The following GPN1 variants were observed in gnomAD, a reference collection of about 807,000 sequenced individuals.
GPN1 encodes GPN-loop GTPase 1.
GPN1 carries 44 observed loss-of-function variants against 55.9 expected under a neutral mutation model. The ratio of observed to expected loss-of-function variants is 0.79; its 90% CI spans 0.62 to 1.01. GPN1 has a LOEUF of 1.01. GPN1 is among the 50% of genes least tolerant of loss of function. GPN1 has a pLI of 0.00. For missense variants in GPN1, 466 were observed against 462.8 expected (o/e 1.01, Z -0.06); for synonymous variants, 179 against 162.5 (o/e 1.10, Z -0.77).
At position 27,629,936 on chromosome 2, in the gene GPN1, CT is replaced by C; in HGVS notation, c.192del (p.Pro65LeufsTer10). The C allele has an allele frequency of 6.3e-7, 1 of 1,589,152 alleles. No homozygotes were observed. Among genetic ancestry groups the C allele is most frequent in the Non-Finnish European group, 8.6e-7 (1 of 1,157,182 alleles). ...NLDPAVHEVP[F>X]PANIDIRDTV... is the part of the protein sequence containing the mutation. ...TGGATCCAGCAGTACATGAAGTTCCCTTTCCTGCCAATATTGGTGAGTAAAC... is the reference window on the plus strand; with the variant it reads ...TGGATCCAGCAGTACATGAAGTTCCCTTCCTGCCAATATTGGTGAGTAAAC... On this transcript the variant is annotated frameshift_variant, in exon 2 of 14. Transcript: ENST00000610189. LOFTEE classifies it high-confidence loss of function.
chr2:27,629,767 G>T, intron 1 of GPN1, 92 bp from the exon 2 acceptor site: 1 of 752,504 alleles, frequency 1.3e-6, no homozygotes, highest in Non-Finnish European at 2.4e-6. Context: ...AAATCTAAGT[G>T]CAATATTCTT....
intron 2 of GPN1, among the ~76,000 whole-genome samples, chr2:27,630,386 G>GTTTTTTT (rs202052577): frequency 1.2e-5 from 1 of 82,506 alleles, no homozygotes; most frequent in African/African-American, 4.8e-5. Flanking sequence ...AACAGCTTAG[G>GTTTTTTT]TTTTTTTTTT....
At position 27,635,223 on chromosome 2, in the gene GPN1, C is replaced by A; in HGVS notation, c.513C>A (p.Leu171=). 6.5e-7 allele frequency: 1 copy of A among 1,543,598 alleles called. No homozygotes were observed. Among genetic ancestry groups the A allele is most frequent in the Non-Finnish European group, 9.0e-7 (1 of 1,117,316 alleles). Residue 171 remains leucine, a synonymous_variant, in exon 7 of 14, where the codon CTC becomes CTA. Transcript: ENST00000610189. ...CAGTGACCTTCATGTCCAACATGCT[C>A]TATGCCTGCAGGTAATTGATTGTTG... ...TNPVTFMSNM[L]YACSILYKTK...
intron 5 of GPN1, 90 bp from the exon 6 acceptor site, chr2:27,634,756 G>T: frequency 1.2e-6 from 1 of 817,214 alleles, no homozygotes; most frequent in South Asian, 1.4e-5. Flanking sequence ...CTCCAGTCTT[G>T]GATAACCAGA....
At position 27,650,456 on chromosome 2, in the gene GPN1, A is replaced by G. The variant is rs1367295501; in HGVS notation, c.*256A>G. On this transcript the variant is annotated 3_prime_UTR_variant, in exon 14 of 14. Coordinates refer to ENST00000610189, the MANE Select transcript of GPN1 (RefSeq NM_007266.4). ...GCAAGGAAGGATATACTGAGCTGAT[A>G]CTCTTCCAAGCCTACAACTTCAAGT... 4.0e-6 allele frequency: 1 copy of G among 247,858 alleles called. No homozygotes were observed. The highest frequency in any genetic ancestry group is 7.9e-6 in the Non-Finnish European group (1 of 126,688). The allele number at this position is 247,858 out of a possible 1,614,324, so 15.4% of individuals were successfully genotyped here.
At chr2:27,629,274 C>G in intron 1 of GPN1, 105 bp downstream of exon 1, 1 of 1,482,196 alleles carries the variant, frequency 6.7e-7, no homozygotes, top group Non-Finnish European at 9.3e-7. Flanking sequence ...GGTACCGGCG[C>G]ATGGCTTTCG....
At chr2:27,633,133 T>C (rs760884413) in intron 5 of GPN1, among the ~76,000 whole-genome samples, 29 of 152,298 alleles carry the variant, frequency 1.9e-4, no homozygotes, top group Middle Eastern at 3.4e-3. Flanking sequence ...AAAAAGATAA[T>C]TTATTGTTTT....
chr2:27,635,018 A>G (rs943557635), intron 6 of GPN1, 94 bp downstream of exon 6: 27 of 958,308 alleles, frequency 2.8e-5, no homozygotes, highest in Non-Finnish European at 4.6e-5. Context: ...TATGGGAGGA[A>G]GTTGTAGAAG....
intron 5 of GPN1, among the ~76,000 whole-genome samples, chr2:27,633,190 C>T (rs901842153): frequency 6.6e-6 from 1 of 152,080 alleles, no homozygotes; most frequent in Non-Finnish European, 1.5e-5. Context: ...AAACCATCAC[C>T]CCGATTCCCA....
rs577868915 is a variant in GPN1, at chr2:27,643,651, T to C, written c.931+1132T>C. Among the ~76,000 whole-genome samples the C allele has an allele frequency of 1.3e-3, 197 of 152,334 alleles. 2 individuals carry two copies. The highest frequency in any genetic ancestry group is 4.5e-3 in the African/African-American group (187 of 41,588). On this transcript the variant is annotated intron_variant, in intron 12 of 13. Coordinates refer to ENST00000610189, the MANE Select transcript of GPN1 (RefSeq NM_007266.4). The surrounding 1 kb of genome is among the most constrained non-coding windows in gnomAD (Gnocchi z 4.0). ...TCTGGAACAGTGCCTTAGTCTGACT[T>C]TGTATTTCATGACTGACATTTTTTA... is the stretch of plus-strand genomic sequence containing the variant.
At chr2:27,636,474 A>G (rs1371796987) in intron 7 of GPN1, among the ~76,000 whole-genome samples, 1 of 152,104 alleles carries the variant, frequency 6.6e-6, no homozygotes, top group Non-Finnish European at 1.5e-5. Flanking sequence ...TTTCATTTTC[A>G]TATTAATTAT....
At chr2:27,635,298 C>CACTTT in intron 7 of GPN1, 64 bp downstream of exon 7, 2 of 445,262 alleles carry the variant, frequency 4.5e-6, no homozygotes, top group Non-Finnish European at 7.3e-6. Flanking sequence ...CTTCTTCTTC[C>CACTTT]TCTTTTTTTT....
rs534034295 is a variant in GPN1 at position 27,650,735 on chromosome 2, C to G, written c.*535C>G. ...ACGTTGCTATGAAATATGCCTCACA[C>G]TGTATAGCTCATTATAGGACGTCAG... On this transcript the variant is annotated 3_prime_UTR_variant, in exon 14 of 14. Transcript: ENST00000610189. 6.5e-6 allele frequency: 1 copy of G among 152,938 alleles called. No homozygotes were observed. Among genetic ancestry groups the G allele is most frequent in the South Asian group, 2.1e-4 (1 of 4,828 alleles). 9.5% of individuals were successfully genotyped at this position (152,938 alleles called of 1,614,324 possible).
chr2:27,644,786 C>T (rs1323754313), intron 12 of GPN1, among the ~76,000 whole-genome samples: 5 of 137,130 alleles, frequency 3.6e-5, no homozygotes, highest in African/African-American at 1.1e-4. Context: ...TGGGCTCAAG[C>T]GATTTTTCCA....
chr2:27,636,893 G>C (rs538615712), intron 7 of GPN1, among the ~76,000 whole-genome samples: 2 of 152,150 alleles, frequency 1.3e-5, no homozygotes, highest in Admixed American at 1.3e-4. Flanking sequence ...ATGCTGCCCA[G>C]GCTGGTTTTG....
rs563811470 is a variant in GPN1 at position 27,636,376 on chromosome 2, T to C, written c.524+1142T>C. ...GTACACAAATGCCATCACCAACATT[T>C]GTCTTTTCTGATATGACAAGGGATG... On this transcript the variant is annotated intron_variant, in intron 7 of 13. Coordinates refer to ENST00000610189, the MANE Select transcript of GPN1 (RefSeq NM_007266.4). Among the ~76,000 whole-genome samples the C allele has an allele frequency of 2.2e-4, 34 of 152,338 alleles. No individual in the cohort carries two copies. In the South Asian group the frequency reaches 7.0e-3, roughly 32 times the overall value.
intron 13 of GPN1, among the ~76,000 whole-genome samples, chr2:27,649,391 G>C (rs1431912305): frequency 6.6e-6 from 1 of 152,092 alleles, no homozygotes; most frequent in Non-Finnish European, 1.5e-5. Flanking sequence ...TTAAGATGTA[G>C]TTTACCAACA....
intron 7 of GPN1, among the ~76,000 whole-genome samples, chr2:27,637,812 A>T (rs1673788675): frequency 6.6e-6 from 1 of 152,194 alleles, no homozygotes. Context: ...CAGATTTGGG[A>T]TGCTCAACCA....
chr2:27,632,603 T>G, intron 4 of GPN1, 30 bp from the exon 5 acceptor site: 1 of 1,549,686 alleles, frequency 6.5e-7, no homozygotes, highest in South Asian at 1.1e-5. Context: ...GAAATCGGAA[T>G]TTGTTGTCAT....
Sources: gnomAD v4.1 joint callset for allele counts (sites outside exome capture counted in the v4.1 genomes callset) on GRCh38, gnomAD v4.1.1 for gene constraint, Gnocchi (gnomAD v3.1) non-coding constraint, MANE v1.5 for transcripts, NCBI Gene and HGNC (gene_info 2026-07-23, HGNC 2026-07-21) for gene names.